The following ELP6 variants were observed in gnomAD, a reference collection of about 807,000 sequenced individuals.
The protein encoded by ELP6 is elongator acetyltransferase complex subunit 6.
ELP6 carries 23 observed loss-of-function variants against 28.1 expected under a neutral mutation model. The observed-to-expected ratio is 0.82, with a 90% CI of 0.59 to 1.16. The LOEUF (loss-of-function observed/expected upper bound fraction) is 1.16. Among genes scored for constraint, ELP6 ranks in the 50% most tolerant of loss-of-function variants. The pLI is 0.00. For synonymous variants in ELP6, 132 were observed against 135.8 expected (o/e 0.97, Z 0.19); for missense variants, 313 against 334.6 (o/e 0.94, Z 0.50).
At chr3:47,506,087 A>G (rs2108110440) in intron 3 of ELP6, among the ~76,000 whole-genome samples, 1 of 152,316 alleles carries the variant, frequency 6.6e-6, no homozygotes, top group South Asian at 2.1e-4. Flanking sequence ...CGGGGGAGAC[A>G]TCACATGTTG....
At chr3:47,511,884 C>G (rs1402552545) in intron 1 of ELP6, 6 of 985,388 alleles carry the variant, frequency 6.1e-6, no homozygotes, top group Admixed American at 6.2e-5. Flanking sequence ...ATGCATGCCA[C>G]CTCCTTGCCG....
chr3:47,497,155 G>C (rs941561927), intron 6 of ELP6: 163 of 984,934 alleles, frequency 1.7e-4, no homozygotes, highest in Non-Finnish European at 1.9e-4. Flanking sequence ...GCTTGGGAGT[G>C]GTTCCAGAAG....
chr3:47,509,483 G>A (rs752973581), intron 3 of ELP6, among the ~76,000 whole-genome samples: 19 of 152,194 alleles, frequency 1.2e-4, no homozygotes, highest in Middle Eastern at 3.2e-3. Flanking sequence ...GTGAGGGGCA[G>A]GAAACGAAAG....
chr3:47,501,859 G>A lies in ELP6; in HGVS notation c.324-8C>T, dbSNP rs956679269. 6.2e-7 allele frequency: 1 copy of A among 1,610,076 alleles called. No homozygotes were observed. The highest frequency in any genetic ancestry group is 2.2e-5 in the East Asian group (1 of 44,682). On this transcript the variant is annotated splice_polypyrimidine_tract_variant and splice_region_variant and intron_variant, in intron 4 of 6. Transcript: ENST00000296149. ...TTCCCAGCATTAGCCTCCCTGGAGAGACAGGACAAAAGTTACCAGACTTCA... is the reference window on the plus strand; with the variant it reads ...TTCCCAGCATTAGCCTCCCTGGAGAAACAGGACAAAAGTTACCAGACTTCA...
At chr3:47,509,598 G>A (rs544855687) in intron 3 of ELP6, among the ~76,000 whole-genome samples, 13 of 152,168 alleles carry the variant, frequency 8.5e-5, no homozygotes, top group Non-Finnish European at 1.8e-4. Context: ...CAAGGAGGAC[G>A]AAAATCAAAA....
chr3:47,511,212 TAG>T lies in ELP6; in HGVS notation c.67_68del (p.Leu23ThrfsTer3). 1 of 1,613,978 alleles carries T rather than the reference TAG, an allele frequency of 6.2e-7. No individual in the cohort carries two copies. On this transcript the variant is annotated frameshift_variant, in exon 2 of 7. Transcript: ENST00000296149. LOFTEE classifies it high-confidence loss of function. ...PDRAEQGKLTLLCDAKTDGSF... is the reference protein window; with the variant it reads ...PDRAEQGKLTXLCDAKTDGSF... ...TCCCATCTGTCTTGGCATCACAGAGTAGAGTCAGTTTCCCCTAAAAGTTACAA... is the reference window on the plus strand; with the variant it reads ...TCCCATCTGTCTTGGCATCACAGAGTAGTCAGTTTCCCCTAAAAGTTACAA...
intron 3 of ELP6, among the ~76,000 whole-genome samples, chr3:47,507,552 T>C (rs1708877042): frequency 6.7e-6 from 1 of 150,238 alleles, no homozygotes; most frequent in South Asian, 2.1e-4. Context: ...TCCCAGCACT[T>C]TGGGAGGCTG....
intron 3 of ELP6, among the ~76,000 whole-genome samples, chr3:47,508,257 T>G (rs186653204): frequency 1.3e-5 from 2 of 152,320 alleles, no homozygotes; most frequent in African/African-American, 2.4e-5. Context: ...ATGTATGTAT[T>G]TATTGAGATG....
intron 2 of ELP6, 139 bp from the exon 3 acceptor site, chr3:47,510,393 T>C: frequency 1.6e-6 from 1 of 631,848 alleles, no homozygotes; most frequent in Non-Finnish European, 2.7e-6. Context: ...AATTTGATTC[T>C]AAGATGTACT....
At chr3:47,498,073 A>T in intron 6 of ELP6, 1 of 1,401,110 alleles carries the variant, frequency 7.1e-7, no homozygotes, top group Non-Finnish European at 9.4e-7. Flanking sequence ...TTTGGTCACA[A>T]ATGGGACCCC....
chr3:47,513,471 C>G, intron 1 of ELP6, 66 bp downstream of exon 1: 1 of 1,580,942 alleles, frequency 6.3e-7, no homozygotes, highest in African/African-American at 1.4e-5. Context: ...TGCGCACCGC[C>G]TCCCGGATGC....
At chr3:47,513,105 C>T (rs2029922344) in intron 1 of ELP6, 6 of 873,246 alleles carry the variant, frequency 6.9e-6, no homozygotes, top group South Asian at 9.8e-5. Context: ...ATTCTCCTGT[C>T]TCAGCCTCCC....
chr3:47,507,223 T>C (rs1437420976), intron 3 of ELP6, among the ~76,000 whole-genome samples: 2 of 151,828 alleles, frequency 1.3e-5, no homozygotes, highest in Admixed American at 1.3e-4. Context: ...TAGCCGGGTA[T>C]GGTGGCACAT....
At chr3:47,499,907 G>A (rs1576338922) in intron 5 of ELP6, 1 of 1,318,906 alleles carries the variant, frequency 7.6e-7, no homozygotes, top group African/African-American at 1.5e-5. Context: ...TATGGAGGTG[G>A]AGGACGTGAC....
intron 6 of ELP6, 76 bp downstream of exon 6, chr3:47,498,205 TCAGGC>T: frequency 6.4e-7 from 1 of 1,561,132 alleles, no homozygotes; most frequent in Non-Finnish European, 8.7e-7. Context: ...AGACAGTCCC[TCAGGC>T]CTGACTCTCC....
Position 47,501,725 on chromosome 3 carries a change from C to T in ELP6, c.450G>A (p.Leu150=). The change falls in exon 5 of 7, where the codon CTG becomes CTA. Residue 150 remains leucine (L), a synonymous_variant. Transcript: ENST00000296149. ...VLLVDDLSVL[L]SLGMGAVAVL... is the part of the protein sequence containing the mutation. The stretch of plus-strand genomic sequence containing the variant: ...CAGCCACCGCCCCCATGCCCAGGCT[C>T]AGGAGCACACTGAGGTCGTCCACCA... The T allele has an allele frequency of 6.2e-7, 1 of 1,614,044 alleles. No homozygotes were observed. The highest frequency in any genetic ancestry group is 8.5e-7 in the Non-Finnish European group (1 of 1,180,006).
In ELP6 at chr3:47,509,876, C is replaced by T. The variant is rs546896113; in HGVS notation, c.204+308G>A. 224 of 187,650 alleles carry T rather than the reference C, an allele frequency of 1.2e-3. 3 individuals are homozygous for T. The Middle Eastern group carries it at 0.016, about 13-fold the overall frequency. 11.6% of individuals were successfully genotyped at this position (187,650 alleles called of 1,614,324 possible). ...TCCCGGGTTCAAGCGATTTTCCTGC[C>T]TCAGCCTCCTAAATAGCTGGGACTA... On this transcript the variant is annotated intron_variant, in intron 3 of 6. Coordinates refer to ENST00000296149, the MANE Select transcript of ELP6 (RefSeq NM_001031703.3).
chr3:47,502,854 AAAG>A lies in ELP6; in HGVS notation c.324-1006_324-1004del, dbSNP rs901244392. ...GACCCTGTCTCAAAAAAAAAAATGA[AAAG>A]AAGAAGTTAAACAGCAACTCAGTTG... is the stretch of plus-strand genomic sequence containing the variant. On this transcript the variant is annotated intron_variant, in intron 4 of 6. Coordinates refer to ENST00000296149, the MANE Select transcript of ELP6 (RefSeq NM_001031703.3). 2.3e-4 allele frequency among the ~76,000 whole-genome samples: 35 copies of A among 152,196 alleles called. 1 individual carries two copies. Among genetic ancestry groups the A allele is most frequent in the East Asian group, 9.6e-4 (5 of 5,186 alleles).
intron 4 of ELP6, chr3:47,503,551 A>G (rs1708730888): frequency 1.7e-6 from 1 of 596,934 alleles, no homozygotes; most frequent in Admixed American, 3.6e-5. Flanking sequence ...GACAACATGC[A>G]AACAAATGAA....
Sources: allele counts gnomAD v4.1 joint callset (sites outside exome capture counted in the v4.1 genomes callset), GRCh38; gene constraint gnomAD v4.1.1; transcripts MANE v1.5; gene names NCBI Gene and HGNC (gene_info 2026-07-23, HGNC 2026-07-21).